ADGRV1: variants seen among roughly 807,000 people sequenced by gnomAD.
ADGRV1 encodes the protein adhesion G protein-coupled receptor V1.
A neutral mutation model predicts 596.2 loss-of-function variants in ADGRV1; 359 were observed. The observed-to-expected ratio is 0.60, with a 90% CI of 0.55 to 0.66. The LOEUF (loss-of-function observed/expected upper bound fraction) is 0.66. Among genes scored for constraint, ADGRV1 ranks in the 30% least tolerant of loss-of-function variants. The pLI, the probability that ADGRV1 is intolerant of heterozygous loss-of-function variation, is 0.00. For synonymous variants in ADGRV1, 2,681 were observed against 2,679.2 expected (o/e 1.00, Z -0.02); for missense variants, 7,274 against 7,575.6 (o/e 0.96, Z 1.48).
chr5:90,580,986 C>G (rs898883694), intron 1 of ADGRV1, among the ~76,000 whole-genome samples: 24 of 152,170 alleles, frequency 1.6e-4, no homozygotes, highest in African/African-American at 4.3e-4. Flanking sequence ...TGTCTTCCCA[C>G]TTTATTTCAT....
chr5:91,163,338 G>C (rs1562300481), intron 89 of ADGRV1, among the ~76,000 whole-genome samples: 1 of 152,184 alleles, frequency 6.6e-6, no homozygotes, highest in Non-Finnish European at 1.5e-5. Context: ...TTTCTTCTCA[G>C]ATCACTGCCC....
intron 83 of ADGRV1, among the ~76,000 whole-genome samples, chr5:90,910,216 C>T (rs1211891192): frequency 1.3e-5 from 2 of 152,252 alleles, no homozygotes; most frequent in Admixed American, 6.5e-5. Context: ...GACGCAGTCA[C>T]ATGGAGGAGC....
chr5:91,137,238 A>G (rs1794715269), intron 87 of ADGRV1, among the ~76,000 whole-genome samples: 2 of 151,958 alleles, frequency 1.3e-5, no homozygotes, highest in South Asian at 4.1e-4. Context: ...AGCTTGAGCC[A>G]CTGTACCCAG....
chr5:91,137,149 CT>C (rs528768380), intron 87 of ADGRV1, among the ~76,000 whole-genome samples: 2 of 150,604 alleles, frequency 1.3e-5, no homozygotes, highest in Non-Finnish European at 3.0e-5. Context: ...TTTTTCTTTT[CT>C]TTTTTTTTCA....
intron 87 of ADGRV1, among the ~76,000 whole-genome samples, chr5:91,129,228 C>T (rs186966325): frequency 6.6e-6 from 1 of 152,104 alleles, no homozygotes; most frequent in Non-Finnish European, 1.5e-5. Context: ...ATGTATGTTG[C>T]GAGAACAGCA....
At chr5:91,036,422 C>T (rs929607587) in intron 85 of ADGRV1, among the ~76,000 whole-genome samples, 3 of 151,874 alleles carry the variant, frequency 2.0e-5, no homozygotes, top group Admixed American at 6.6e-5. Context: ...ATTAGCCGGG[C>T]GTGGTGGCGG....
At chr5:91,066,556 G>C (rs1208440177) in intron 85 of ADGRV1, among the ~76,000 whole-genome samples, 1 of 152,102 alleles carries the variant, frequency 6.6e-6, no homozygotes, top group African/African-American at 2.4e-5. Context: ...AGAGTTAAAA[G>C]GTAATTTAAA....
chr5:91,025,178 T>G (rs943584558), intron 85 of ADGRV1, among the ~76,000 whole-genome samples: 5 of 152,160 alleles, frequency 3.3e-5, no homozygotes, highest in African/African-American at 1.2e-4. Context: ...TCCGTGCTTT[T>G]CTGTTCTGTT....
intron 21 of ADGRV1, among the ~76,000 whole-genome samples, chr5:90,660,958 A>T (rs561983134): frequency 2.8e-4 from 43 of 152,286 alleles, no homozygotes; most frequent in African/African-American, 9.9e-4. Context: ...GGCAAAGAGC[A>T]GGTGCTTAAT....
intron 76 of ADGRV1, among the ~76,000 whole-genome samples, chr5:90,824,531 C>T (rs572229922): frequency 7.2e-5 from 11 of 152,306 alleles, no homozygotes; most frequent in African/African-American, 2.6e-4. Context: ...CGTAGTTTAG[C>T]ATATCACATC....
intron 86 of ADGRV1, among the ~76,000 whole-genome samples, chr5:91,082,959 C>T (rs1456414350): frequency 6.6e-6 from 1 of 152,082 alleles, no homozygotes; most frequent in Non-Finnish European, 1.5e-5. Flanking sequence ...TATGATCATA[C>T]TTTAATTACA....
At chr5:90,763,202 T>C (rs1756694969) in intron 58 of ADGRV1, 103 bp from the exon 59 acceptor site, 1 of 1,037,666 alleles carries the variant, frequency 9.6e-7, no homozygotes, top group African/African-American at 1.6e-5. Context: ...ACATTCTAAA[T>C]TATAAAACTG....
At chr5:90,562,699 C>T (rs1008778692) in intron 1 of ADGRV1, among the ~76,000 whole-genome samples, 1 of 152,048 alleles carries the variant, frequency 6.6e-6, no homozygotes, top group Non-Finnish European at 1.5e-5. Flanking sequence ...CTAGAATGGA[C>T]CCTCTTTTAT....
intron 1 of ADGRV1, among the ~76,000 whole-genome samples, chr5:90,561,059 G>A (rs184912759): frequency 4.5e-4 from 69 of 152,200 alleles, no homozygotes; most frequent in African/African-American, 1.2e-3. Context: ...TTGAATATAC[G>A]TTGTATGCCA....
At chr5:90,845,351 CTAACTGAG>C (rs1361626921) in intron 78 of ADGRV1, among the ~76,000 whole-genome samples, 1 of 151,550 alleles carries the variant, frequency 6.6e-6, no homozygotes, top group African/African-American at 2.4e-5. Context: ...GGTCCCTGTA[CTAACTGAG>C]TATTATAGAA....
intron 85 of ADGRV1, among the ~76,000 whole-genome samples, chr5:91,052,796 A>G (rs947191877): frequency 6.6e-6 from 1 of 152,172 alleles, no homozygotes; most frequent in African/African-American, 2.4e-5. Context: ...GTCCAGTTGT[A>G]GTTTAAGAGA....
At position 90,858,651 on chromosome 5, in the gene ADGRV1, A is replaced by G. The variant is rs1482880339; in HGVS notation, c.17755+2750A>G. ...ATGTGAACCACCATGCCTGGCCAAT[A>G]TGGACATATTATTTGGGATGAATTT... On this transcript the variant is annotated intron_variant, in intron 82 of 89. Transcript: ENST00000405460. 2.0e-5 allele frequency among the ~76,000 whole-genome samples: 3 copies of G among 152,216 alleles called. No homozygotes were observed. The East Asian group carries it at 5.8e-4, about 29-fold the overall frequency.
intron 26 of ADGRV1, among the ~76,000 whole-genome samples, chr5:90,680,110 G>T (rs377511381): frequency 1.7e-4 from 26 of 152,132 alleles, no homozygotes; most frequent in African/African-American, 5.8e-4. Context: ...AGCACTCTGG[G>T]AGACCGAGGC....
At chr5:90,843,436 G>A (rs1394503804) in intron 78 of ADGRV1, among the ~76,000 whole-genome samples, 1 of 8,154 alleles carries the variant, frequency 1.2e-4, no homozygotes, top group Non-Finnish European at 7.0e-3. Flanking sequence ...AGCAAATAGT[G>A]TTGGATGGCT....
Sources: gnomAD v4.1 joint callset for allele counts (sites outside exome capture counted in the v4.1 genomes callset) on GRCh38, gnomAD v4.1.1 for gene constraint, MANE v1.5 for transcripts, NCBI Gene and HGNC (gene_info 2026-07-23, HGNC 2026-07-21) for gene names.